The following LIPC variants were observed in gnomAD, a reference collection of about 807,000 sequenced individuals.
LIPC encodes the protein hepatic triacylglycerol lipase.
LIPC carries 44 observed loss-of-function variants against 50.7 expected under a neutral mutation model. That is an observed-to-expected ratio of 0.87 (90% CI 0.68 to 1.11). LIPC has a LOEUF of 1.11. Ranked by LOEUF, LIPC falls within the 50% of genes most tolerant of loss-of-function variation. The probability of loss-of-function intolerance (pLI) is 0.00; values close to 1 mark genes in which losing one functional copy is unlikely to be tolerated. For synonymous variants in LIPC, 271 were observed against 256.4 expected, an observed-to-expected ratio of 1.06 and a Z score of -0.54; for missense variants, 697 against 648.2, an observed-to-expected ratio of 1.08 and a Z score of -0.82.
At chr15:58,488,472 C>T (rs1308975406) in intron 1 of LIPC, among the ~76,000 whole-genome samples, 2 of 152,208 alleles carry the variant, frequency 1.3e-5, no homozygotes, top group Non-Finnish European at 1.5e-5. Flanking sequence ...CATTCTCAGG[C>T]CTATCCTATC....
intron 1 of LIPC, among the ~76,000 whole-genome samples, chr15:58,433,977 G>A (rs1893205893): frequency 6.6e-6 from 1 of 152,198 alleles, no homozygotes; most frequent in African/African-American, 2.4e-5. Flanking sequence ...GTGTCCTGTG[G>A]TGGAGCCCTT....
rs533726136 is a variant in LIPC, at chr15:58,486,147, C to G, written c.89-52186C>G. On this transcript the variant is annotated intron_variant, in intron 1 of 8. Transcript: ENST00000299022. ...ACTCCTTGACATGGACGGCTCTATT[C>G]TAACAGTGCCACTCTCTCATGTCAC... 1.1e-4 allele frequency among the ~76,000 whole-genome samples: 16 copies of G among 152,324 alleles called. No homozygotes were observed. The East Asian group carries it at 1.3e-3, about 13-fold the overall frequency.
chr15:58,538,242 C>T, intron 1 of LIPC, 91 bp from the exon 2 acceptor site: 2 of 1,246,074 alleles, frequency 1.6e-6, no homozygotes, highest in Non-Finnish European at 1.2e-6. Context: ...ACCTCTTTGG[C>T]TTGTGCTTGT....
intron 1 of LIPC, among the ~76,000 whole-genome samples, chr15:58,441,707 A>G (rs1413915556): frequency 6.6e-6 from 1 of 152,236 alleles, no homozygotes; most frequent in Non-Finnish European, 1.5e-5. Flanking sequence ...CAATTCAATG[A>G]TTCGGCATCA....
intron 8 of LIPC, chr15:58,565,311 C>G (rs1247387118): frequency 6.5e-7 from 1 of 1,535,262 alleles, no homozygotes; most frequent in Non-Finnish European, 8.7e-7. Flanking sequence ...ATGCTCTTAG[C>G]TGGAGAGTAA....
chr15:58,489,514 C>A (rs78436077), intron 1 of LIPC, among the ~76,000 whole-genome samples: 1 of 152,014 alleles, frequency 6.6e-6, no homozygotes, highest in Non-Finnish European at 1.5e-5. Context: ...TTATGGAAAA[C>A]GGTCCTTGTG....
intron 1 of LIPC, among the ~76,000 whole-genome samples, chr15:58,474,361 T>C (rs1890910034): frequency 6.6e-6 from 1 of 151,874 alleles, no homozygotes; most frequent in African/African-American, 2.4e-5. Context: ...CACAAAAAAA[T>C]ACAAAATTTA....
In LIPC at chr15:58,569,127, C is replaced by G. The variant is rs1199990548; in HGVS notation, c.*300C>G. ...GATCTGTTGTTCTAATTTACAATGT[C>G]TTTTATAATTAAGTTTCCCACATGT... On this transcript the variant is annotated 3_prime_UTR_variant, in exon 9 of 9. Transcript: ENST00000299022. The G allele has an allele frequency of 4.7e-6, 1 of 211,844 alleles. No homozygotes were observed. The highest frequency in any genetic ancestry group is 9.4e-6 in the Non-Finnish European group (1 of 106,276). The allele number at this position is 211,844 out of a possible 1,614,324, so 13.1% of individuals were successfully genotyped here.
At chr15:58,522,437 C>T (rs1433596609) in intron 1 of LIPC, 1 of 152,376 alleles carries the variant, frequency 6.6e-6, no homozygotes, top group Non-Finnish European at 1.5e-5. Flanking sequence ...TAACACATTC[C>T]CTGGGGTGTT....
intron 1 of LIPC, among the ~76,000 whole-genome samples, chr15:58,531,003 T>C: frequency 6.6e-6 from 1 of 152,240 alleles, no homozygotes; most frequent in Non-Finnish European, 1.5e-5. Flanking sequence ...TGTTTCCATT[T>C]CTCTTGAGTA....
intron 1 of LIPC, among the ~76,000 whole-genome samples, chr15:58,496,743 C>CAAAAAAAAAAAAAAAATTAA (rs1891778961): frequency 8.8e-6 from 1 of 114,180 alleles, no homozygotes; most frequent in Non-Finnish European, 1.8e-5. Context: ...TCTTCCCCCT[C>CAAAAAAAAAAAAAAAATTAA]AAAAAAAAAA....
chr15:58,499,400 A>C (rs940849643), intron 1 of LIPC, among the ~76,000 whole-genome samples: 1 of 152,176 alleles, frequency 6.6e-6, no homozygotes, highest in Non-Finnish European at 1.5e-5. Flanking sequence ...CTATGTGTCC[A>C]ATCTCCCAGG....
chr15:58,473,777 A>T (rs1890890177), intron 1 of LIPC: 1 of 152,378 alleles, frequency 6.6e-6, no homozygotes, highest in South Asian at 2.1e-4. Context: ...AGGGAGAAAG[A>T]CATGGCTCCA....
chr15:58,439,023 T>C (rs1893411931), intron 1 of LIPC, among the ~76,000 whole-genome samples: 1 of 152,242 alleles, frequency 6.6e-6, no homozygotes, highest in Non-Finnish European at 1.5e-5. Context: ...TGCAGGTTCA[T>C]ATTCAGGGCC....
intron 1 of LIPC, among the ~76,000 whole-genome samples, chr15:58,432,636 G>C (rs1251025286): frequency 6.6e-6 from 1 of 152,148 alleles, no homozygotes; most frequent in African/African-American, 2.4e-5. Flanking sequence ...CAAAATTTTA[G>C]TCTGAGGCTG....
intron 1 of LIPC, among the ~76,000 whole-genome samples, chr15:58,438,635 T>A (rs1893395450): frequency 1.3e-5 from 2 of 152,158 alleles, no homozygotes; most frequent in Non-Finnish European, 2.9e-5. Context: ...AGGTACCTAC[T>A]TGGGGCGAGA....
At position 58,484,967 on chromosome 15, in the gene LIPC, G is replaced by A. The variant is rs184834420; in HGVS notation, c.88+52847G>A. 4.8e-3 allele frequency among the ~76,000 whole-genome samples: 737 copies of A among 152,312 alleles called. 1 individual carries two copies. The highest frequency in any genetic ancestry group is 0.019 in the South Asian group (93 of 4,826). On this transcript the variant is annotated intron_variant, in intron 1 of 8. Coordinates refer to ENST00000299022, the MANE Select transcript of LIPC (RefSeq NM_000236.3). ...GAACTCACCAAGGCCACCAGAAAAG[G>A]AGGGTGGAAAAGAAGGAAGAAAACA...
chr15:58,518,528 C>A (rs1435496946), intron 1 of LIPC, among the ~76,000 whole-genome samples: 1 of 152,198 alleles, frequency 6.6e-6, no homozygotes, highest in Non-Finnish European at 1.5e-5. Context: ...TGTGTTCTCG[C>A]TCCACTCCTT....
intron 1 of LIPC, among the ~76,000 whole-genome samples, chr15:58,486,386 C>T (rs1388512249): frequency 6.6e-6 from 1 of 152,130 alleles, no homozygotes; most frequent in African/African-American, 2.4e-5. Flanking sequence ...GGTTGGTCAC[C>T]CTAGTTAGGC....
Sources: allele counts gnomAD v4.1 joint callset (sites outside exome capture counted in the v4.1 genomes callset), GRCh38; gene constraint gnomAD v4.1.1; transcripts MANE v1.5; gene names NCBI Gene and HGNC (gene_info 2026-07-23, HGNC 2026-07-21).